Variants in MXD4 observed in about 807,000 individuals in gnomAD.
MXD4 encodes MAX dimerization protein 4, also known as Mad4 homolog.
MXD4 carries 16 observed loss-of-function variants against 24.5 expected under a neutral mutation model. The observed-to-expected ratio is 0.65, with a 90% CI of 0.44 to 0.99. The LOEUF is 0.99. Among genes scored for constraint, MXD4 ranks in the 50% least tolerant of loss-of-function variants. The pLI is 0.00. For synonymous variants in MXD4, 164 were observed against 134.2 expected (o/e 1.22, Z -1.54); for missense variants, 301 against 301.5 (o/e 1.00, Z 0.01).
At chr4:2,261,216 T>C (rs1263324995) in intron 2 of MXD4, among the ~76,000 whole-genome samples, 2 of 152,198 alleles carry the variant, frequency 1.3e-5, no homozygotes, top group Non-Finnish European at 2.9e-5. Flanking sequence ...CTCGCTTCTC[T>C]GTCTAGGCTC....
intron 5 of MXD4, 22 bp downstream of exon 5, chr4:2,251,062 T>C: frequency 6.5e-7 from 1 of 1,531,854 alleles, no homozygotes; most frequent in East Asian, 2.4e-5. Flanking sequence ...CAGGTGAGGC[T>C]GCCCCGCGCC....
chr4:2,250,553 G>A lies in MXD4; in HGVS notation c.621C>T (p.Ala207=). Residue 207 remains alanine, a synonymous_variant, in exon 6 of 6, where the codon GCC becomes GCT. Coordinates refer to ENST00000337190, the MANE Select transcript of MXD4 (RefSeq NM_006454.3). ...GPHCRRLGRP[A]LS Reference sequence around the variant, plus strand: ...AGCAGAGGGCACGGGCCTACGAGAGGGCGGGGCGGCCCAGCCGCCGGCAGT... The same window carrying A: ...AGCAGAGGGCACGGGCCTACGAGAGAGCGGGGCGGCCCAGCCGCCGGCAGT... 1 of 1,589,016 alleles carries A rather than the reference G, an allele frequency of 6.3e-7. No individual in the cohort carries two copies. The highest frequency in any genetic ancestry group is 8.6e-7 in the Non-Finnish European group (1 of 1,168,430).
intron 2 of MXD4, 23 bp downstream of exon 2, chr4:2,261,702 G>T: frequency 2.3e-6 from 3 of 1,318,212 alleles, no homozygotes; most frequent in Non-Finnish European, 2.9e-6. Context: ...GGGCCGGGCG[G>T]GGTCGGGAGC....
At chr4:2,252,363 C>T in intron 4 of MXD4, 45 bp downstream of exon 4, 1 of 1,518,136 alleles carries the variant, frequency 6.6e-7, no homozygotes, top group Non-Finnish European at 9.1e-7. Flanking sequence ...TGCAGGGACA[C>T]TGAGGCAGCC....
chr4:2,260,692 C>A (rs1224003873), intron 2 of MXD4: 1 of 418,102 alleles, frequency 2.4e-6, no homozygotes, highest in Non-Finnish European at 4.8e-6. Flanking sequence ...CAACCAATTC[C>A]TCGCCTGGCT....
chr4:2,261,620 C>T, intron 2 of MXD4, 105 bp downstream of exon 2: 1 of 561,754 alleles, frequency 1.8e-6, no homozygotes, highest in Non-Finnish European at 2.3e-6. Flanking sequence ...CGCGCGGCGG[C>T]GGCGCTGAGG....
intron 2 of MXD4, chr4:2,260,699 G>A (rs985109596): frequency 3.9e-5 from 16 of 409,936 alleles, no homozygotes; most frequent in Non-Finnish European, 7.4e-5. Flanking sequence ...TTCCTCGCCT[G>A]GCTCAGGATG....
chr4:2,252,301 C>T (rs1015137800), intron 4 of MXD4, 107 bp downstream of exon 4: 5 of 893,508 alleles, frequency 5.6e-6, no homozygotes, highest in African/African-American at 1.6e-5. Context: ...CATCTTCAGG[C>T]CCTCTGATCC....
At chr4:2,253,481 T>G (rs1480784599) in intron 3 of MXD4, 1 of 152,258 alleles carries the variant, frequency 6.6e-6, no homozygotes, top group Admixed American at 6.5e-5. Flanking sequence ...ATAGGACACT[T>G]TGATTTGGGT....
At chr4:2,260,151 G>A (rs916071137) in intron 2 of MXD4, among the ~76,000 whole-genome samples, 12 of 152,202 alleles carry the variant, frequency 7.9e-5, no homozygotes, top group Admixed American at 1.3e-4. Context: ...AGCGGGGCTC[G>A]GCCCAGAGGA....
At chr4:2,258,865 T>C (rs776840065) in intron 2 of MXD4, 50 of 455,006 alleles carry the variant, frequency 1.1e-4, no homozygotes, top group African/African-American at 7.2e-4. Context: ...CTGGGGACAG[T>C]GGCCCCACCT....
intron 3 of MXD4, chr4:2,255,473 C>A: frequency 2.2e-6 from 1 of 447,110 alleles, no homozygotes; most frequent in Non-Finnish European, 4.5e-6. Flanking sequence ...AATTCCTGCC[C>A]TGGAGAGCAG....
chr4:2,258,658 T>G (rs770103618), intron 2 of MXD4, among the ~76,000 whole-genome samples: 20 of 152,300 alleles, frequency 1.3e-4, no homozygotes, highest in Non-Finnish European at 2.8e-4. Context: ...CTCACACACC[T>G]GCGTGACCAC....
At chr4:2,250,897 A>G (rs2071659) in intron 5 of MXD4, among the ~76,000 whole-genome samples, 187 bp downstream of exon 5, 43,039 of 152,104 alleles carry the variant, frequency 0.28, 8,510 homozygotes, top group African/African-American at 0.55. Context: ...CGGGCCACAC[A>G]GCCTCTGCAT....
rs1735231877 is a variant in MXD4 at position 2,247,999 on chromosome 4, G to A, written c.*2545C>T. ...GTGGCCGAGAGCACTGGTGTGGGCTGGGAGGGCACACGCAGAGGCTCAGGA... is the reference window on the plus strand; with the variant it reads ...GTGGCCGAGAGCACTGGTGTGGGCTAGGAGGGCACACGCAGAGGCTCAGGA... On this transcript the variant is annotated 3_prime_UTR_variant, in exon 6 of 6. Transcript: ENST00000337190. 1.3e-5 allele frequency: 2 copies of A among 152,392 alleles called. No individual in the cohort carries two copies. The highest frequency in any genetic ancestry group is 6.5e-5 in the Admixed American group (1 of 15,292). The allele number at this position is 152,392 out of a possible 1,614,324, so 9.4% of individuals were successfully genotyped here.
At chr4:2,257,627 C>A (rs1023906745) in intron 3 of MXD4, among the ~76,000 whole-genome samples, 2 of 152,232 alleles carry the variant, frequency 1.3e-5, no homozygotes, top group Non-Finnish European at 2.9e-5. Flanking sequence ...GAAGGCAGAC[C>A]CCAGGATGCA....
At position 2,250,385 on chromosome 4, in the gene MXD4, A is replaced by G; in HGVS notation, c.*159T>C. The G allele has an allele frequency of 9.9e-7, 1 of 1,014,298 alleles. No homozygotes were observed. The highest frequency in any genetic ancestry group is 1.7e-5 in the South Asian group (1 of 58,426). 62.8% of individuals were successfully genotyped at this position (1,014,298 alleles called of 1,614,324 possible). ...GGGGCAGGCAGCTCGGCAGGCCCTGACCGGCAAGCGGGCAGTGCCAGGCAG... is the reference window on the plus strand; with the variant it reads ...GGGGCAGGCAGCTCGGCAGGCCCTGGCCGGCAAGCGGGCAGTGCCAGGCAG... On this transcript the variant is annotated 3_prime_UTR_variant, in exon 6 of 6. Transcript: ENST00000337190.
chr4:2,251,527 G>C (rs1185981228), intron 4 of MXD4, among the ~76,000 whole-genome samples: 1 of 152,244 alleles, frequency 6.6e-6, no homozygotes, highest in Non-Finnish European at 1.5e-5. Flanking sequence ...AGGCAGCCTT[G>C]GCCAAGTTGA....
chr4:2,250,358 A>G lies in MXD4; in HGVS notation c.*186T>C. ...CTTGCAGGGGACTCTGCCCAGCTGG[A>G]AGGGGCAGGCAGCTCGGCAGGCCCT... On this transcript the variant is annotated 3_prime_UTR_variant, in exon 6 of 6. Coordinates refer to ENST00000337190, the MANE Select transcript of MXD4 (RefSeq NM_006454.3). 1 of 782,434 alleles carries G rather than the reference A, an allele frequency of 1.3e-6. No individual in the cohort carries two copies. Among genetic ancestry groups the G allele is most frequent in the Non-Finnish European group, 2.0e-6 (1 of 509,054 alleles). The allele number at this position is 782,434 out of a possible 1,614,324, so 48.5% of individuals were successfully genotyped here. A position where few individuals can be genotyped will look rare whatever the true frequency, so the allele number is the denominator to read the frequency against.
Sources: gnomAD v4.1 joint callset for allele counts (sites outside exome capture counted in the v4.1 genomes callset) on GRCh38, gnomAD v4.1.1 for gene constraint, MANE v1.5 for transcripts, NCBI Gene and HGNC (gene_info 2026-07-23, HGNC 2026-07-21) for gene names.